Variants in PLEKHA2 observed in about 807,000 individuals in gnomAD.
PLEKHA2 encodes pleckstrin homology domain containing A2, also known as pleckstrin homology domain-containing family A member 2.
Under a neutral mutation model 53.2 loss-of-function variants are expected in PLEKHA2, and 28 were observed. The ratio of observed to expected loss-of-function variants is 0.53; its 90% CI spans 0.39 to 0.72. PLEKHA2 has a LOEUF of 0.72. Ranked by LOEUF, PLEKHA2 falls within the 30% of genes least tolerant of loss-of-function variation. PLEKHA2 has a pLI of 0.00. For missense variants in PLEKHA2, 426 were observed against 537.9 expected (o/e 0.79, Z 2.06); for synonymous variants, 193 against 196.4 (o/e 0.98, Z 0.14).
chr8:38,927,148 T>A (rs575617739), intron 2 of PLEKHA2, among the ~76,000 whole-genome samples: 3 of 152,214 alleles, frequency 2.0e-5, no homozygotes, highest in Non-Finnish European at 4.4e-5. Flanking sequence ...CATTTTAACC[T>A]TCAACATTTG....
chr8:38,904,236 A>G (rs1028337639), intron 1 of PLEKHA2, among the ~76,000 whole-genome samples: 2 of 152,226 alleles, frequency 1.3e-5, no homozygotes, highest in South Asian at 2.1e-4. Flanking sequence ...GACTGAAGTG[A>G]TTTGTTATGC....
chr8:38,909,904 A>G, intron 1 of PLEKHA2, among the ~76,000 whole-genome samples: 1 of 152,136 alleles, frequency 6.6e-6, no homozygotes, highest in East Asian at 1.9e-4. Context: ...TATTCTACTT[A>G]GAAATCTGGA....
At chr8:38,926,324 A>G (rs985199631) in intron 2 of PLEKHA2, among the ~76,000 whole-genome samples, 2 of 152,060 alleles carry the variant, frequency 1.3e-5, no homozygotes, top group African/African-American at 4.8e-5. Context: ...TAAGTGACAA[A>G]TCTGTACTTT....
At chr8:38,927,503 C>T (rs1834309949) in intron 2 of PLEKHA2, among the ~76,000 whole-genome samples, 1 of 151,974 alleles carries the variant, frequency 6.6e-6, no homozygotes. Flanking sequence ...AAGACCCTGT[C>T]TCAAAAAAAG....
intron 10 of PLEKHA2, 52 bp from the exon 11 acceptor site, chr8:38,968,540 C>A (rs1161903349): frequency 2.6e-6 from 4 of 1,566,138 alleles, no homozygotes; most frequent in Non-Finnish European, 3.5e-6. Context: ...GACTTGGAAG[C>A]TGAAATCATA....
chr8:38,969,312 A>T, intron 11 of PLEKHA2, 109 bp from the exon 12 acceptor site: 1 of 1,304,724 alleles, frequency 7.7e-7, no homozygotes, highest in Non-Finnish European at 1.0e-6. Flanking sequence ...GCATCCTTGG[A>T]CTTATGAGGT....
At chr8:38,965,775 A>AT (rs1278521300) in intron 10 of PLEKHA2, among the ~76,000 whole-genome samples, 2 of 152,080 alleles carry the variant, frequency 1.3e-5, no homozygotes, top group Admixed American at 1.3e-4. Context: ...TTAAGGCTTC[A>AT]TTTTTTTGTC....
At position 38,972,950 on chromosome 8, in the gene PLEKHA2, T is replaced by A. The variant is rs978478958; in HGVS notation, c.*3167T>A. On this transcript the variant is annotated 3_prime_UTR_variant, in exon 12 of 12. Transcript: ENST00000617275. ...GCCATCCATTATTCTTTAATTTTTA[T>A]TTTTAGAAACAGTGTTTCACTCTGT... 2.6e-5 allele frequency: 4 copies of A among 152,184 alleles called. No homozygotes were observed. Among genetic ancestry groups the A allele is most frequent in the Non-Finnish European group, 2.9e-5 (2 of 68,054 alleles). 9.4% of individuals were successfully genotyped at this position (152,184 alleles called of 1,614,324 possible).
chr8:38,917,937 A>G lies in PLEKHA2; in HGVS notation c.8A>G (p.Tyr3Cys). 6.2e-7 allele frequency: 1 copy of G among 1,613,646 alleles called. No homozygotes were observed. Among genetic ancestry groups the G allele is most frequent in the South Asian group, 1.1e-5 (1 of 91,080 alleles). MP[Y>C]VDRQNRICGF... Reference sequence around the variant, plus strand: ...TGTGAGCAGAGCCCAGGAATGCCTTATGTGGATCGGCAGAACCGAATCTGT... The same window carrying G: ...TGTGAGCAGAGCCCAGGAATGCCTTGTGTGGATCGGCAGAACCGAATCTGT... Residue 3 changes from tyrosine (Y) to cysteine (C), a missense_variant, in exon 2 of 12, where the codon TAT (tyrosine) becomes TGT (cysteine). Coordinates refer to ENST00000617275, the MANE Select transcript of PLEKHA2 (RefSeq NM_021623.2).
At chr8:38,919,544 A>G (rs1834141428) in intron 2 of PLEKHA2, among the ~76,000 whole-genome samples, 1 of 152,178 alleles carries the variant, frequency 6.6e-6, no homozygotes, top group African/African-American at 2.4e-5. Flanking sequence ...AGGCTTGGGA[A>G]GAGGAAATTC....
Position 38,949,609 on chromosome 8 carries a change from A to T in PLEKHA2, c.346-1241A>T, listed in dbSNP as rs188313393. The stretch of plus-strand genomic sequence containing the variant: ...ACAATAAAAATTTTATGATGATTTG[A>T]TCAGCTGTGGTACCATATCTCTGTC... On this transcript the variant is annotated intron_variant, in intron 5 of 11. Transcript: ENST00000617275. 5.3e-5 allele frequency among the ~76,000 whole-genome samples: 8 copies of T among 152,354 alleles called. No individual in the cohort carries two copies. The East Asian group carries it at 1.5e-3, about 29-fold the overall frequency.
At chr8:38,969,146 T>G (rs1835194806) in intron 11 of PLEKHA2, among the ~76,000 whole-genome samples, 1 of 151,918 alleles carries the variant, frequency 6.6e-6, no homozygotes, top group Non-Finnish European at 1.5e-5. Context: ...GGTGATCCAC[T>G]TGCCTCGGGC....
chr8:38,928,566 C>T (rs1834330673), intron 2 of PLEKHA2, among the ~76,000 whole-genome samples: 1 of 152,018 alleles, frequency 6.6e-6, no homozygotes, highest in African/African-American at 2.4e-5. Context: ...GTCTTTAAGT[C>T]TCTGTCACCA....
intron 2 of PLEKHA2, among the ~76,000 whole-genome samples, chr8:38,935,495 C>T (rs1163185980): frequency 2.0e-5 from 3 of 151,240 alleles, no homozygotes; most frequent in South Asian, 2.1e-4. Flanking sequence ...CACAGCTTAC[C>T]GCAGCCTCTA....
rs866533184 is a variant in PLEKHA2 at position 38,971,099 on chromosome 8, A to G, written c.*1316A>G. 6.6e-6 allele frequency: 1 copy of G among 152,256 alleles called. No homozygotes were observed. The highest frequency in any genetic ancestry group is 2.1e-4 in the South Asian group (1 of 4,838). 9.4% of individuals were successfully genotyped at this position (152,256 alleles called of 1,614,324 possible). A position where few individuals can be genotyped will look rare whatever the true frequency, so the allele number is the denominator to read the frequency against. On this transcript the variant is annotated 3_prime_UTR_variant, in exon 12 of 12. Transcript: ENST00000617275. ...CTTCTTGTGTCCAAATCTAATGCAG[A>G]GGTGAAAACACTTGATGAGAAAATC...
intron 9 of PLEKHA2, 87 bp downstream of exon 9, chr8:38,953,454 A>G (rs1013127258): frequency 2.9e-5 from 37 of 1,257,016 alleles, no homozygotes; most frequent in Non-Finnish European, 3.8e-5. Flanking sequence ...GACTCTATGC[A>G]AGAGTCATCT....
At chr8:38,933,778 TAAAAAA>T (rs774899490) in intron 2 of PLEKHA2, among the ~76,000 whole-genome samples, 2 of 49,048 alleles carry the variant, frequency 4.1e-5, no homozygotes, top group African/African-American at 7.1e-5. Flanking sequence ...AGAGGTTTCC[TAAAAAA>T]AAAAAAAAAA....
At chr8:38,955,229 A>C (rs1390644407) in intron 9 of PLEKHA2, among the ~76,000 whole-genome samples, 2 of 152,116 alleles carry the variant, frequency 1.3e-5, no homozygotes. Context: ...TCCCACCCTG[A>C]GAAGTAGATG....
At chr8:38,920,967 A>G (rs978998376) in intron 2 of PLEKHA2, among the ~76,000 whole-genome samples, 1 of 151,692 alleles carries the variant, frequency 6.6e-6, no homozygotes, top group African/African-American at 2.4e-5. Flanking sequence ...CGCCCAGCTA[A>G]TTTTTGTATT....
Sources: allele counts gnomAD v4.1 joint callset (sites outside exome capture counted in the v4.1 genomes callset), GRCh38; gene constraint gnomAD v4.1.1; transcripts MANE v1.5; gene names NCBI Gene and HGNC (gene_info 2026-07-23, HGNC 2026-07-21).